HMGCLL1: variants seen among roughly 807,000 people sequenced by gnomAD.
HMGCLL1 encodes the protein 3-hydroxy-3-methylglutaryl-CoA lyase like 1.
In HMGCLL1, 36 loss-of-function variants were observed where a neutral mutation model predicts 39.1. The ratio of observed to expected loss-of-function variants is 0.92; its 90% CI spans 0.71 to 1.22. The LOEUF (loss-of-function observed/expected upper bound fraction) is 1.22. HMGCLL1 is among the 50% of genes most tolerant of loss of function. HMGCLL1 has a pLI of 0.00. For missense variants in HMGCLL1, 451 were observed against 416.5 expected (o/e 1.08, Z -0.72); for synonymous variants, 149 against 144.0 (o/e 1.03, Z -0.25).
chr6:55,543,179 A>T (rs1159042635), intron 1 of HMGCLL1, among the ~76,000 whole-genome samples: 1 of 9,746 alleles, frequency 1.0e-4, no homozygotes, highest in African/African-American at 2.3e-4. Context: ...TATATAATAT[A>T]TAATATATAA....
intron 4 of HMGCLL1, among the ~76,000 whole-genome samples, chr6:55,515,663 CA>C (rs1246413423): frequency 6.6e-6 from 1 of 152,036 alleles, no homozygotes; most frequent in Non-Finnish European, 1.5e-5. Flanking sequence ...GTATCTTCTT[CA>C]AGGTAAGATA....
chr6:55,524,988 T>C (rs894466224), intron 3 of HMGCLL1, among the ~76,000 whole-genome samples: 2 of 151,452 alleles, frequency 1.3e-5, no homozygotes, highest in Non-Finnish European at 2.9e-5. Context: ...GTAATAGTAA[T>C]TAATATTATC....
chr6:55,665,736 C>G, the HMGCLL1 span, among the ~76,000 whole-genome samples: 1 of 151,628 alleles, frequency 6.6e-6, no homozygotes, highest in African/African-American at 2.4e-5. Flanking sequence ...TACAAAATAC[C>G]TTTATGTTAA....
the HMGCLL1 span, among the ~76,000 whole-genome samples, chr6:55,617,547 C>T: frequency 6.6e-6 from 1 of 152,048 alleles, no homozygotes; most frequent in Non-Finnish European, 1.5e-5. Flanking sequence ...TCATACTAAG[C>T]TTCATAATTG....
At chr6:55,572,935 T>C (rs1041065767) in intron 1 of HMGCLL1, among the ~76,000 whole-genome samples, 1 of 152,150 alleles carries the variant, frequency 6.6e-6, no homozygotes, top group African/African-American at 2.4e-5. Context: ...AGCCCAACAG[T>C]CAGCAGAACT....
chr6:55,566,902 A>T (rs1412726134), intron 1 of HMGCLL1, among the ~76,000 whole-genome samples: 5 of 152,138 alleles, frequency 3.3e-5, no homozygotes, highest in Non-Finnish European at 7.4e-5. Context: ...TTAAATACAT[A>T]TTTTGCCAAT....
At chr6:55,670,310 A>G in the HMGCLL1 span, among the ~76,000 whole-genome samples, 3 of 151,858 alleles carry the variant, frequency 2.0e-5, no homozygotes, top group Admixed American at 2.0e-4. Context: ...GAAAACTAAG[A>G]TAATTCAATG....
rs1206279190 is a variant in HMGCLL1 at position 55,553,166 on chromosome 6, T to C, written c.109-11026A>G. On this transcript the variant is annotated intron_variant, in intron 1 of 8. Coordinates refer to ENST00000274901, the MANE Select transcript of HMGCLL1 (RefSeq NM_001042406.2). ...CTCTCTCTCTCTCTCTCTCTATATA[T>C]ATATATATACATACACACACACACA... Among the ~76,000 whole-genome samples, 4 of 93,620 alleles carry C rather than the reference T, an allele frequency of 4.3e-5. No homozygotes were observed. The East Asian group carries it at 9.2e-4, about 22-fold the overall frequency. The allele number at this position is 93,620 out of a possible 152,430, so 61.4% of individuals were successfully genotyped here.
chr6:55,604,667 G>A, the HMGCLL1 span, among the ~76,000 whole-genome samples: 1 of 152,042 alleles, frequency 6.6e-6, no homozygotes, highest in East Asian at 1.9e-4. Flanking sequence ...AAAAGTTTTT[G>A]CATTAATAAC....
chr6:55,572,384 C>T (rs1771544849), intron 1 of HMGCLL1, among the ~76,000 whole-genome samples: 3 of 152,078 alleles, frequency 2.0e-5, no homozygotes, highest in Middle Eastern at 6.9e-3. Flanking sequence ...TTTTATTCAT[C>T]TATCAAAATT....
intron 3 of HMGCLL1, among the ~76,000 whole-genome samples, chr6:55,521,703 CCACCT>C (rs1768051540): frequency 6.6e-6 from 1 of 151,900 alleles, no homozygotes; most frequent in Non-Finnish European, 1.5e-5. Context: ...TGGGCATTCC[CCACCT>C]CTCTCCGTCT....
intron 5 of HMGCLL1, among the ~76,000 whole-genome samples, chr6:55,511,160 C>G (rs1192134230): frequency 6.6e-6 from 1 of 151,852 alleles, no homozygotes; most frequent in Admixed American, 6.6e-5. Context: ...CCCTCTTAAC[C>G]TTTTACAATT....
chr6:55,669,230 A>G, the HMGCLL1 span, among the ~76,000 whole-genome samples: 5 of 151,982 alleles, frequency 3.3e-5, no homozygotes, highest in East Asian at 9.7e-4. Context: ...AAATGGATCA[A>G]TTTCCTTCCA....
chr6:55,638,944 A>G, the HMGCLL1 span, among the ~76,000 whole-genome samples: 1 of 152,142 alleles, frequency 6.6e-6, no homozygotes. Context: ...ATTTAAATCT[A>G]TGTGTCCTAG....
chr6:55,472,859 T>C (rs1765107608), intron 7 of HMGCLL1, among the ~76,000 whole-genome samples: 1 of 151,528 alleles, frequency 6.6e-6, no homozygotes, highest in South Asian at 2.1e-4. Context: ...GTTAATGTTT[T>C]AAACTATAAT....
At chr6:55,544,770 A>G (rs1174243146) in intron 1 of HMGCLL1, among the ~76,000 whole-genome samples, 4 of 152,148 alleles carry the variant, frequency 2.6e-5, no homozygotes, top group Non-Finnish European at 4.4e-5. Flanking sequence ...TACAATTTCC[A>G]TGAAATTAGT....
chr6:55,671,010 T>C, the HMGCLL1 span, among the ~76,000 whole-genome samples: 1 of 151,710 alleles, frequency 6.6e-6, no homozygotes, highest in Non-Finnish European at 1.5e-5. Context: ...ATATAGGCCT[T>C]AGAGAAAAGA....
chr6:55,600,144 T>C, the HMGCLL1 span, among the ~76,000 whole-genome samples: 1 of 152,148 alleles, frequency 6.6e-6, no homozygotes, highest in Non-Finnish European at 1.5e-5. Context: ...TCTTCAGTTT[T>C]TTTAAATCTC....
chr6:55,446,944 G>A (rs1236840367), intron 7 of HMGCLL1, among the ~76,000 whole-genome samples: 1 of 151,748 alleles, frequency 6.6e-6, no homozygotes, highest in Non-Finnish European at 1.5e-5. Context: ...ATAATCTATA[G>A]TAATGTTAGA....
Sources: allele counts gnomAD v4.1 joint callset (sites outside exome capture counted in the v4.1 genomes callset), GRCh38; gene constraint gnomAD v4.1.1; transcripts MANE v1.5; gene names NCBI Gene and HGNC (gene_info 2026-07-23, HGNC 2026-07-21).